RAB3GAP2: variants seen among roughly 807,000 people sequenced by gnomAD.
RAB3GAP2 encodes rab3 GTPase-activating protein non-catalytic subunit.
A neutral mutation model predicts 185.3 loss-of-function variants in RAB3GAP2; 87 were observed. The observed-to-expected ratio is 0.47, with a 90% CI of 0.39 to 0.56. The LOEUF is 0.56. RAB3GAP2 is among the 20% of genes least tolerant of loss of function. The pLI is 0.00. For synonymous variants in RAB3GAP2, 554 were observed against 576.1 expected, an observed-to-expected ratio of 0.96 and a Z score of 0.55; for missense variants, 1,492 against 1,638.2, an observed-to-expected ratio of 0.91 and a Z score of 1.54.
At chr1:220,243,067 A>G (rs1392318088) in intron 1 of RAB3GAP2, among the ~76,000 whole-genome samples, 2 of 152,208 alleles carry the variant, frequency 1.3e-5, no homozygotes, top group Non-Finnish European at 2.9e-5. Flanking sequence ...AAAAAAAGAT[A>G]TAACAGGCTG....
At chr1:220,177,157 C>T (rs1027272037) in intron 21 of RAB3GAP2, among the ~76,000 whole-genome samples, 4 of 152,220 alleles carry the variant, frequency 2.6e-5, no homozygotes, top group Non-Finnish European at 5.9e-5. Flanking sequence ...CCCAAATAGC[C>T]TCAGTACCCT....
At position 220,191,093 on chromosome 1, in the gene RAB3GAP2, C is replaced by T; in HGVS notation, c.1462G>A (p.Ala488Thr). 1 of 1,613,912 alleles carries T rather than the reference C, an allele frequency of 6.2e-7. No homozygotes were observed. Among genetic ancestry groups the T allele is most frequent in the Non-Finnish European group, 8.5e-7 (1 of 1,179,928 alleles). Residue 488 changes from alanine (A) to threonine (T), a missense_variant, in exon 14 of 35, where the codon GCT (alanine) becomes ACT (threonine). By Grantham distance (58) the Ala-to-Thr change is moderately conservative (BLOSUM62 0). Around this residue, in one of 5 missense-constraint regions of RAB3GAP2, gnomAD observed 681 missense variants for 689.1 expected, o/e 0.99. Transcript: ENST00000358951. Reference protein sequence around the residue: ...WSTQQGPRVGAFNVGKHCRLL... With the variant: ...WSTQQGPRVGTFNVGKHCRLL... ...CTGCAGTGCTTCCCCACATTGAAAG[C>T]TCCTACTCTAGGTCCCTGCTGTGTG... is the stretch of plus-strand genomic sequence containing the variant.
intron 1 of RAB3GAP2, among the ~76,000 whole-genome samples, chr1:220,244,829 T>C (rs1659766162): frequency 6.6e-6 from 1 of 152,076 alleles, no homozygotes; most frequent in Non-Finnish European, 1.5e-5. Context: ...CAACTCAAGA[T>C]AGATGAAAGA....
rs977117418 is a variant in RAB3GAP2 at position 220,205,605 on chromosome 1, A to G, written c.712+302T>C. On this transcript the variant is annotated intron_variant, in intron 8 of 34. Coordinates refer to ENST00000358951, the MANE Select transcript of RAB3GAP2 (RefSeq NM_012414.4). ...TTGTCAATACTAGGGTTGGTTGTCA[A>G]TGTTGGTTGCAAATCTAGCTAGCCA... Among the ~76,000 whole-genome samples, 10 of 152,296 alleles carry G rather than the reference A, an allele frequency of 6.6e-5. No individual in the cohort carries two copies. In the East Asian group the frequency reaches 1.7e-3, roughly 26 times the overall value.
intron 1 of RAB3GAP2, among the ~76,000 whole-genome samples, chr1:220,245,092 A>AAAG (rs1659774891): frequency 6.6e-6 from 1 of 152,080 alleles, no homozygotes; most frequent in African/African-American, 2.4e-5. Flanking sequence ...ACTAGCATCC[A>AAAG]GAATCTACAA....
At chr1:220,233,001 T>C in intron 1 of RAB3GAP2, 138 bp from the exon 2 acceptor site, 1 of 700,378 alleles carries the variant, frequency 1.4e-6, no homozygotes, top group Non-Finnish European at 2.5e-6. Flanking sequence ...AACTGTGTTA[T>C]ACCAGGATTT....
chr1:220,172,121 A>G, intron 22 of RAB3GAP2, 72 bp from the exon 23 acceptor site: 2 of 1,489,426 alleles, frequency 1.3e-6, no homozygotes, highest in Non-Finnish European at 1.9e-6. Context: ...ATTTATGTTA[A>G]ACATAATGTT....
intron 1 of RAB3GAP2, among the ~76,000 whole-genome samples, chr1:220,268,794 G>C (rs1660279784): frequency 6.6e-6 from 1 of 152,160 alleles, no homozygotes; most frequent in East Asian, 1.9e-4. Context: ...TAGATGTTTG[G>C]GGTGTATTTA....
intron 1 of RAB3GAP2, among the ~76,000 whole-genome samples, chr1:220,238,564 C>T (rs547231457): frequency 6.6e-6 from 1 of 152,308 alleles, no homozygotes; most frequent in South Asian, 2.1e-4. Context: ...ATGCAAAGCA[C>T]TTTTACAGTG....
chr1:220,246,298 T>C (rs905837341), intron 1 of RAB3GAP2, among the ~76,000 whole-genome samples: 4 of 151,758 alleles, frequency 2.6e-5, no homozygotes, highest in African/African-American at 4.9e-5. Flanking sequence ...TGTGGAGAAA[T>C]AGGACACTTT....
In RAB3GAP2 at chr1:220,191,177, G is replaced by T. The variant is rs781782288; in HGVS notation, c.1378C>A (p.Arg460=). The T allele has an allele frequency of 1.2e-6, 2 of 1,613,726 alleles. No individual in the cohort carries two copies. The highest frequency in any genetic ancestry group is 3.3e-5 in the Admixed American group (2 of 59,958). ...SPFGNSQGPS[R]VAQFLVIYAP... ...TAGATCACAAGGAATTGAGCTACTC[G>T]ACTTGGACCCTGAGAATTTCCAAAG... Residue 460 remains arginine (R), a synonymous_variant, in exon 14 of 35, where the codon CGA becomes AGA. Coordinates refer to ENST00000358951, the MANE Select transcript of RAB3GAP2 (RefSeq NM_012414.4).
rs189536938 is a variant in RAB3GAP2 at position 220,272,252 on chromosome 1, A to C, written c.86T>G (p.Ile29Ser). The change falls in exon 1 of 35, where the codon ATC (isoleucine) becomes AGC (serine). Residue 29 changes from isoleucine to serine, a missense_variant. By Grantham distance (142) the Ile-to-Ser change is moderately radical. Coordinates refer to ENST00000358951, the MANE Select transcript of RAB3GAP2 (RefSeq NM_012414.4). ...DFLFPHLREE[I>S]LSGALRRDPS... ...GTCCCTCCGCAAGGCGCCGCTGAGG[A>C]TCTCCTCCCGCAGGTGAGGAAAGAG... 40 of 1,610,176 alleles carry C rather than the reference A, an allele frequency of 2.5e-5. No homozygotes were observed. In the East Asian group the frequency reaches 8.7e-4, roughly 35 times the overall value.
intron 9 of RAB3GAP2, among the ~76,000 whole-genome samples, chr1:220,200,963 G>C (rs925793514): frequency 2.0e-5 from 3 of 152,170 alleles, no homozygotes; most frequent in African/African-American, 7.2e-5. Flanking sequence ...TGTATGGTGT[G>C]CTGGAGAAAC....
chr1:220,269,244 A>G (rs1254262968), intron 1 of RAB3GAP2, among the ~76,000 whole-genome samples: 1 of 152,234 alleles, frequency 6.6e-6, no homozygotes, highest in Non-Finnish European at 1.5e-5. Context: ...GAGGGCAAAA[A>G]CCTTAGCCAC....
chr1:220,175,984 G>C (rs1307789929), intron 21 of RAB3GAP2, among the ~76,000 whole-genome samples: 3 of 151,994 alleles, frequency 2.0e-5, no homozygotes, highest in Admixed American at 2.0e-4. Context: ...TATAATTGTA[G>C]AATCACTTAT....
chr1:220,195,738 T>C (rs975062082), intron 10 of RAB3GAP2, among the ~76,000 whole-genome samples: 2 of 152,194 alleles, frequency 1.3e-5, no homozygotes, highest in African/African-American at 2.4e-5. Context: ...TATATATATA[T>C]GCACACACAT....
intron 2 of RAB3GAP2, among the ~76,000 whole-genome samples, chr1:220,217,970 T>C (rs959454428): frequency 6.6e-6 from 1 of 152,172 alleles, no homozygotes; most frequent in Non-Finnish European, 1.5e-5. Flanking sequence ...GAAGCAAACA[T>C]GAATTTTGTC....
At chr1:220,256,793 C>T (rs1660039072) in intron 1 of RAB3GAP2, among the ~76,000 whole-genome samples, 1 of 152,288 alleles carries the variant, frequency 6.6e-6, no homozygotes, top group African/African-American at 2.4e-5. Flanking sequence ...GACTCCCACA[C>T]AATAATAGTG....
chr1:220,239,200 A>T (rs943543356), intron 1 of RAB3GAP2, among the ~76,000 whole-genome samples: 4 of 152,140 alleles, frequency 2.6e-5, no homozygotes, highest in Non-Finnish European at 5.9e-5. Context: ...TATATTCAGG[A>T]TCCAAACCAT....
Sources: gnomAD v4.1 joint callset for allele counts (sites outside exome capture counted in the v4.1 genomes callset) on GRCh38, gnomAD v4.1.1 for gene constraint, gnomAD v4.1.1 regional missense constraint, MANE v1.5 for transcripts, NCBI Gene and HGNC (gene_info 2026-07-23, HGNC 2026-07-21) for gene names.